ZFAND3: variants seen among roughly 807,000 people sequenced by gnomAD.
The protein encoded by ZFAND3 is AN1-type zinc finger protein 3.
Under a neutral mutation model 29.6 loss-of-function variants are expected in ZFAND3, and 10 were observed. The observed-to-expected ratio is 0.34, with a 90% CI of 0.21 to 0.57. The LOEUF is 0.57. ZFAND3 is among the 20% of genes least tolerant of loss of function. ZFAND3 has a pLI of 0.86. For synonymous variants in ZFAND3, 128 were observed against 112.6 expected (o/e 1.14, Z -0.87); for missense variants, 230 against 304.5 (o/e 0.76, Z 1.82).
chr6:37,903,496 A>G (rs1229155133), intron 1 of ZFAND3, among the ~76,000 whole-genome samples: 2 of 152,204 alleles, frequency 1.3e-5, no homozygotes, highest in African/African-American at 2.4e-5. Flanking sequence ...TCTCCTATCT[A>G]CTGTATCACC....
At chr6:37,844,346 A>G (rs1214849983) in intron 1 of ZFAND3, among the ~76,000 whole-genome samples, 6 of 151,808 alleles carry the variant, frequency 4.0e-5, no homozygotes, top group South Asian at 2.1e-4. Context: ...CAGTGGCGCA[A>G]TCTTGGCTCA....
intron 4 of ZFAND3, among the ~76,000 whole-genome samples, chr6:38,109,179 T>G (rs1051442051): frequency 1.3e-5 from 1 of 78,574 alleles, no homozygotes; most frequent in African/African-American, 4.4e-5. Flanking sequence ...CTGCCATGAC[T>G]TTTTTTTTTT....
intron 4 of ZFAND3, among the ~76,000 whole-genome samples, chr6:38,105,385 ACAGAGC>A (rs1765187702): frequency 6.6e-6 from 1 of 152,150 alleles, no homozygotes; most frequent in African/African-American, 2.4e-5. Context: ...AGCTCGGGTA[ACAGAGC>A]AAGACCCAGT....
chr6:38,089,289 G>A (rs967168478), intron 4 of ZFAND3, among the ~76,000 whole-genome samples: 11 of 151,534 alleles, frequency 7.3e-5, no homozygotes, highest in Admixed American at 2.0e-4. Flanking sequence ...CACCACACCC[G>A]GCTAATTTTT....
intron 2 of ZFAND3, among the ~76,000 whole-genome samples, chr6:37,993,114 G>A (rs958790809): frequency 1.9e-4 from 29 of 151,908 alleles, no homozygotes; most frequent in Non-Finnish European, 3.1e-4. Context: ...TAATTACTGT[G>A]TAATCTGGTG....
intron 1 of ZFAND3, among the ~76,000 whole-genome samples, chr6:37,843,355 C>T (rs1342274851): frequency 1.3e-5 from 2 of 151,408 alleles, no homozygotes; most frequent in African/African-American, 2.4e-5. Context: ...GGTGTGGTGG[C>T]GGGCACCTGT....
rs1394446695 is a variant in ZFAND3, at chr6:38,144,218, AAT to A, written c.530-8004_530-8003del. 4.6e-3 allele frequency among the ~76,000 whole-genome samples: 145 copies of A among 31,444 alleles called. 2 individuals are homozygous for A. Among genetic ancestry groups the A allele is most frequent in the Non-Finnish European group, 6.9e-3 (103 of 14,860 alleles). The allele number at this position is 31,444 out of a possible 152,430, so 20.6% of individuals were successfully genotyped here. ...ATATATATATATATATATAATATAT[AAT>A]ATATATATATATTTTTTTTTTAATA... On this transcript the variant is annotated intron_variant, in intron 5 of 5. Transcript: ENST00000287218.
chr6:37,823,827 C>A (rs1763710892), intron 1 of ZFAND3, among the ~76,000 whole-genome samples: 3 of 151,478 alleles, frequency 2.0e-5, no homozygotes, highest in Non-Finnish European at 4.4e-5. Context: ...GTTTTGCTCT[C>A]ATTACTCAGG....
At chr6:38,060,499 T>TCCCTTC (rs1353902515) in intron 2 of ZFAND3, among the ~76,000 whole-genome samples, 9 of 149,478 alleles carry the variant, frequency 6.0e-5, no homozygotes, top group African/African-American at 2.0e-4. Context: ...TGTCCTGTCC[T>TCCCTTC]CCCTTCCCCT....
intron 2 of ZFAND3, among the ~76,000 whole-genome samples, chr6:37,985,880 A>C (rs972986797): frequency 6.6e-6 from 1 of 152,204 alleles, no homozygotes; most frequent in Non-Finnish European, 1.5e-5. Context: ...TTATTATTCT[A>C]GTCTCTTTTT....
intron 2 of ZFAND3, among the ~76,000 whole-genome samples, chr6:37,970,952 T>C (rs1762377671): frequency 6.6e-6 from 1 of 152,184 alleles, no homozygotes; most frequent in Non-Finnish European, 1.5e-5. Flanking sequence ...ACCCACTAAG[T>C]ATGCATTGGT....
At chr6:37,986,863 A>G (rs1340308801) in intron 2 of ZFAND3, among the ~76,000 whole-genome samples, 2 of 152,134 alleles carry the variant, frequency 1.3e-5, no homozygotes, top group South Asian at 2.1e-4. Flanking sequence ...AGTTACACCA[A>G]CCTAATAAGT....
At chr6:37,999,347 A>G (rs1762905245) in intron 2 of ZFAND3, among the ~76,000 whole-genome samples, 1 of 152,206 alleles carries the variant, frequency 6.6e-6, no homozygotes, top group South Asian at 2.1e-4. Flanking sequence ...CATTCCAAAT[A>G]ATTTATGTAG....
chr6:37,898,133 T>C (rs174105), intron 1 of ZFAND3, among the ~76,000 whole-genome samples: 106,184 of 152,048 alleles, frequency 0.7, 37,625 homozygotes, highest in African/African-American at 0.77. Context: ...AAAAAAGACA[T>C]TCGAGTTCAT....
At chr6:38,086,189 ACTTTT>A (rs1451173850) in intron 4 of ZFAND3, among the ~76,000 whole-genome samples, 1 of 152,164 alleles carries the variant, frequency 6.6e-6, no homozygotes, top group Admixed American at 6.5e-5. Flanking sequence ...GATGGGAAAG[ACTTTT>A]CTTTATATGA....
At chr6:37,861,759 T>C (rs1416585501) in intron 1 of ZFAND3, among the ~76,000 whole-genome samples, 1 of 152,262 alleles carries the variant, frequency 6.6e-6, no homozygotes, top group Non-Finnish European at 1.5e-5. Flanking sequence ...TGTATTATGA[T>C]GTGTGGTTTT....
chr6:38,034,098 T>G (rs139104530), intron 2 of ZFAND3, among the ~76,000 whole-genome samples: 104 of 152,294 alleles, frequency 6.8e-4, no homozygotes, highest in African/African-American at 2.5e-3. Flanking sequence ...TCTTAAACAG[T>G]GATTTCCTCA....
chr6:37,994,118 C>CTGTGTG (rs10535939), intron 2 of ZFAND3, among the ~76,000 whole-genome samples: 11 of 150,682 alleles, frequency 7.3e-5, no homozygotes, highest in African/African-American at 4.9e-5. Flanking sequence ...GAGTGTGTGT[C>CTGTGTG]TGTGTGTGTG....
intron 3 of ZFAND3, among the ~76,000 whole-genome samples, chr6:38,068,374 A>G (rs1764386254): frequency 6.6e-6 from 1 of 152,204 alleles, no homozygotes. Context: ...CTCATTTGTT[A>G]CTGTATTGTC....
Sources: allele counts gnomAD v4.1 joint callset (sites outside exome capture counted in the v4.1 genomes callset), GRCh38; gene constraint gnomAD v4.1.1; transcripts MANE v1.5; gene names NCBI Gene and HGNC (gene_info 2026-07-23, HGNC 2026-07-21).